Variants in DPYD observed in about 807,000 individuals in gnomAD.
DPYD encodes the protein dihydropyrimidine dehydrogenase, also known as dihydropyrimidine dehydrogenase [NADP(+)].
In DPYD, 109 loss-of-function variants were observed where a neutral mutation model predicts 116.2. The ratio of observed to expected loss-of-function variants is 0.94; its 90% CI spans 0.80 to 1.10. The LOEUF (loss-of-function observed/expected upper bound fraction) is 1.10. Among genes scored for constraint, DPYD ranks in the 50% least tolerant of loss-of-function variants. The pLI is 0.00. For missense variants in DPYD, 1,302 were observed against 1,254.5 expected, an observed-to-expected ratio of 1.04 and a Z score of -0.57; for synonymous variants, 440 against 432.0, an observed-to-expected ratio of 1.02 and a Z score of -0.23.
chr1:97,422,928 A>G (rs1405440117), intron 14 of DPYD, among the ~76,000 whole-genome samples: 1 of 152,162 alleles, frequency 6.6e-6, no homozygotes, highest in Non-Finnish European at 1.5e-5. Context: ...TAGAAGTGAC[A>G]TGAAAATGGA....
chr1:97,705,569 T>A (rs1462551858), intron 5 of DPYD, among the ~76,000 whole-genome samples: 1 of 152,012 alleles, frequency 6.6e-6, no homozygotes, highest in Non-Finnish European at 1.5e-5. Flanking sequence ...GTCTTTGCTA[T>A]TGTGAATAGT....
chr1:97,612,224 C>T lies in DPYD; in HGVS notation c.851-17058G>A, dbSNP rs532571708. 2.6e-5 allele frequency among the ~76,000 whole-genome samples: 4 copies of T among 152,076 alleles called. No homozygotes were observed. In the East Asian group the frequency reaches 7.7e-4, roughly 29 times the overall value. Reference sequence around the variant, plus strand: ...CTATTGTCTCTGTGGAGTTTCATTTCACACGATAAAAGAACCAGGAGGCAT... The same window carrying T: ...CTATTGTCTCTGTGGAGTTTCATTTTACACGATAAAAGAACCAGGAGGCAT... On this transcript the variant is annotated intron_variant, in intron 8 of 22. Coordinates refer to ENST00000370192, the MANE Select transcript of DPYD (RefSeq NM_000110.4).
chr1:97,623,411 T>A (rs1040340095), intron 8 of DPYD, among the ~76,000 whole-genome samples: 1 of 152,054 alleles, frequency 6.6e-6, no homozygotes, highest in African/African-American at 2.4e-5. Flanking sequence ...GCAAACATAA[T>A]TCACTGCAGA....
intron 20 of DPYD, among the ~76,000 whole-genome samples, chr1:97,189,048 A>G (rs952854700): frequency 3.9e-5 from 6 of 152,202 alleles, no homozygotes; most frequent in Admixed American, 1.3e-4. Context: ...AATGTTACCA[A>G]TAAGCTTTTT....
At chr1:97,517,830 C>A (rs1401057934) in intron 12 of DPYD, among the ~76,000 whole-genome samples, 1 of 152,046 alleles carries the variant, frequency 6.6e-6, no homozygotes, top group Non-Finnish European at 1.5e-5. Flanking sequence ...TACATATGGT[C>A]CCATGTGTCT....
intron 16 of DPYD, among the ~76,000 whole-genome samples, chr1:97,359,873 A>C (rs551728758): frequency 1.3e-5 from 2 of 152,344 alleles, no homozygotes; most frequent in Admixed American, 1.3e-4. Flanking sequence ...TGTAAAGACC[A>C]TCAATGCTAG....
Position 97,180,331 on chromosome 1 carries a change from C to A in DPYD, c.2622+12738G>T, listed in dbSNP as rs551984515. ...CTAATATTCCCTTTATTCAAGTGAGCAGATGGGCTTAACGGGAGATATAAC... is the reference window on the plus strand; with the variant it reads ...CTAATATTCCCTTTATTCAAGTGAGAAGATGGGCTTAACGGGAGATATAAC... On this transcript the variant is annotated intron_variant, in intron 20 of 22. Transcript: ENST00000370192. Among the ~76,000 whole-genome samples the A allele has an allele frequency of 5.3e-5, 8 of 152,176 alleles. No homozygotes were observed. The East Asian group carries it at 9.7e-4, about 18-fold the overall frequency.
chr1:97,766,253 A>G (rs1245482292), intron 3 of DPYD, among the ~76,000 whole-genome samples: 1 of 152,130 alleles, frequency 6.6e-6, no homozygotes, highest in East Asian at 1.9e-4. Context: ...AAAAAAATAA[A>G]TAAATAACTG....
chr1:97,911,948 C>T (rs1673960673), intron 1 of DPYD, among the ~76,000 whole-genome samples: 1 of 152,048 alleles, frequency 6.6e-6, no homozygotes, highest in Admixed American at 6.6e-5. Context: ...TGCACGCTGT[C>T]AAGCCATTCT....
In DPYD at chr1:97,107,710, T is replaced by G. The variant is rs118064113; in HGVS notation, c.2623-9078A>C. Among the ~76,000 whole-genome samples, 83 of 152,156 alleles carry G rather than the reference T, an allele frequency of 5.5e-4. 1 individual carries two copies. The East Asian group carries it at 0.015, about 28-fold the overall frequency. ...CAACAACACTGAGGGGCATAAAGAC[T>G]AAGTAACTTGCTACAATTAATTCAA... is the stretch of plus-strand genomic sequence containing the variant. On this transcript the variant is annotated intron_variant, in intron 20 of 22. Transcript: ENST00000370192.
chr1:97,557,426 G>A (rs990063497), intron 11 of DPYD, among the ~76,000 whole-genome samples: 1 of 146,188 alleles, frequency 6.8e-6, no homozygotes, highest in Non-Finnish European at 1.5e-5. Flanking sequence ...AGTGATTCTC[G>A]TGCTTCAGCC....
In DPYD at chr1:97,134,010, AAAAAATATATATAT is replaced by A. The variant is rs1241067876; in HGVS notation, c.2623-35392_2623-35379del. Among the ~76,000 whole-genome samples, 5 of 36,958 alleles carry A rather than the reference AAAAAATATATATAT, an allele frequency of 1.4e-4. No homozygotes were observed. The Admixed American group carries it at 1.5e-3, about 11-fold the overall frequency. 24.2% of individuals were successfully genotyped at this position (36,958 alleles called of 152,430 possible). ...CCAGACTCTGTTTCAAAAAAAAAAA[AAAAAATATATATAT>A]ATATATATATATATATATATATATA... is the stretch of plus-strand genomic sequence containing the variant. On this transcript the variant is annotated intron_variant, in intron 20 of 22. Coordinates refer to ENST00000370192, the MANE Select transcript of DPYD (RefSeq NM_000110.4).
At chr1:97,079,213 G>A (rs188449179) in intron 22 of DPYD, 67 bp from the exon 23 acceptor site, 24 of 1,576,926 alleles carry the variant, frequency 1.5e-5, no homozygotes, top group Middle Eastern at 2.2e-4. Flanking sequence ...CCATTTTAGC[G>A]TTAACATTTT....
At chr1:97,901,053 T>C (rs1025220407) in intron 1 of DPYD, among the ~76,000 whole-genome samples, 1 of 151,888 alleles carries the variant, frequency 6.6e-6, no homozygotes, top group Non-Finnish European at 1.5e-5. Flanking sequence ...AATGTTCTTA[T>C]ATCAGATGAC....
intron 20 of DPYD, among the ~76,000 whole-genome samples, chr1:97,106,558 C>T (rs1651161436): frequency 6.6e-6 from 1 of 152,142 alleles, no homozygotes; most frequent in South Asian, 2.1e-4. Flanking sequence ...GCTCTAGGTT[C>T]TTGGGCCTTT....
At chr1:97,186,805 G>GC (rs1658023009) in intron 20 of DPYD, among the ~76,000 whole-genome samples, 1 of 152,082 alleles carries the variant, frequency 6.6e-6, no homozygotes. Context: ...CCGAGAACGT[G>GC]CCACTGCACT....
Position 97,878,006 on chromosome 1 carries a change from G to A in DPYD, c.150+5258C>T, listed in dbSNP as rs960990982. On this transcript the variant is annotated intron_variant, in intron 2 of 22. Transcript: ENST00000370192. ...AAAGTATAAAAATTAAACGTATTTG[G>A]AACATAAGAAATATTATTAGAAAAA... is the stretch of plus-strand genomic sequence containing the variant. Among the ~76,000 whole-genome samples the A allele has an allele frequency of 5.3e-5, 8 of 151,984 alleles. No individual in the cohort carries two copies. The East Asian group carries it at 9.7e-4, about 19-fold the overall frequency.
At chr1:97,700,185 C>G (rs1661520942) in intron 5 of DPYD, 1 of 454,784 alleles carries the variant, frequency 2.2e-6, no homozygotes, top group African/African-American at 2.0e-5. Flanking sequence ...TTTGCGACTT[C>G]TTACCAAAGG....
At chr1:97,314,670 A>G (rs1667711622) in intron 16 of DPYD, among the ~76,000 whole-genome samples, 1 of 151,868 alleles carries the variant, frequency 6.6e-6, no homozygotes, top group African/African-American at 2.4e-5. Flanking sequence ...TGTAGAGATC[A>G]GCCCTGAAAG....
Sources: allele counts gnomAD v4.1 joint callset (sites outside exome capture counted in the v4.1 genomes callset), GRCh38; gene constraint gnomAD v4.1.1; transcripts MANE v1.5; gene names NCBI Gene and HGNC (gene_info 2026-07-23, HGNC 2026-07-21).